Variants in CCM2 observed in about 807,000 individuals in gnomAD.
The protein encoded by CCM2 is cerebral cavernous malformations 2 protein.
Under a neutral mutation model 44.9 loss-of-function variants are expected in CCM2, and 25 were observed. The ratio of observed to expected loss-of-function variants is 0.56; its 90% CI spans 0.41 to 0.78. The LOEUF (loss-of-function observed/expected upper bound fraction) is 0.78. Ranked by LOEUF, CCM2 falls within the 30% of genes least tolerant of loss-of-function variation. The pLI, the probability that CCM2 is intolerant of heterozygous loss-of-function variation, is 0.00. For missense variants in CCM2, 481 were observed against 580.6 expected (o/e 0.83, Z 1.76); for synonymous variants, 219 against 241.1 (o/e 0.91, Z 0.85).
At chr7:45,007,371 C>T (rs7787383) in intron 1 of CCM2, among the ~76,000 whole-genome samples, 72,599 of 151,980 alleles carry the variant, frequency 0.48, 18,652 homozygotes, top group East Asian at 0.7. Flanking sequence ...GCGCGCTTCG[C>T]ACTCCTTGGC....
chr7:45,072,867 TCCC>T, intron 7 of CCM2, 84 bp downstream of exon 7: 1 of 1,141,540 alleles, frequency 8.8e-7, no homozygotes. Context: ...GCCAGTCAGC[TCCC>T]CCATCTCAGC....
Position 45,067,142 on chromosome 7 carries a change from C to T in CCM2, c.473-1301C>T, listed in dbSNP as rs548481934. ...ATCTTGATCTCCTGACCTTGTGATC[C>T]GCCACCTTGGCCTCCCAAAGTGCTG... is the stretch of plus-strand genomic sequence containing the variant. On this transcript the variant is annotated intron_variant, in intron 4 of 9. Transcript: ENST00000258781. 5.3e-5 allele frequency among the ~76,000 whole-genome samples: 8 copies of T among 151,610 alleles called. No individual in the cohort carries two copies. In the East Asian group the frequency reaches 1.2e-3, roughly 22 times the overall value.
intron 4 of CCM2, among the ~76,000 whole-genome samples, chr7:45,066,649 G>C (rs13236993): frequency 0.033 from 5,020 of 152,310 alleles, 124 homozygotes; most frequent in South Asian, 0.14. Context: ...TGTGGCAGGA[G>C]CTGCTTGGAG....
chr7:45,001,277 T>C (rs1795615024), intron 1 of CCM2, among the ~76,000 whole-genome samples: 1 of 152,134 alleles, frequency 6.6e-6, no homozygotes, highest in Non-Finnish European at 1.5e-5. Flanking sequence ...CTTCAGGGAG[T>C]CCTGTGGTGC....
intron 1 of CCM2, among the ~76,000 whole-genome samples, chr7:45,026,786 A>G (rs1324722921): frequency 2.6e-5 from 4 of 151,990 alleles, no homozygotes. Flanking sequence ...TACTTTCAGT[A>G]GAGACGGGGT....
chr7:45,002,777 C>A (rs1437425643), intron 1 of CCM2, among the ~76,000 whole-genome samples: 3 of 152,124 alleles, frequency 2.0e-5, no homozygotes, highest in Non-Finnish European at 4.4e-5. Flanking sequence ...TTGAGCCCCT[C>A]TTGTGTCCCA....
At chr7:45,073,872 A>G (rs1799212121) in intron 8 of CCM2, 3 of 541,598 alleles carry the variant, frequency 5.5e-6, no homozygotes, top group South Asian at 4.4e-5. Flanking sequence ...ATGGCCAGAC[A>G]TTTTTATCCT....
intron 1 of CCM2, among the ~76,000 whole-genome samples, chr7:45,034,657 T>C (rs1797130845): frequency 6.6e-6 from 1 of 150,802 alleles, no homozygotes; most frequent in South Asian, 2.1e-4. Context: ...TAGCTGGGAT[T>C]ACAGGCGCCC....
At chr7:45,029,514 A>G (rs1796859355) in intron 1 of CCM2, 1 of 152,212 alleles carries the variant, frequency 6.6e-6, no homozygotes, top group African/African-American at 2.4e-5. Context: ...TAGAAGGTAT[A>G]GCCATACTAT....
chr7:45,027,051 C>A (rs938907186), intron 1 of CCM2: 1 of 155,964 alleles, frequency 6.4e-6, no homozygotes, highest in Non-Finnish European at 1.4e-5. Flanking sequence ...GCCAGAGGCA[C>A]GCTGTTTAAT....
intron 2 of CCM2, among the ~76,000 whole-genome samples, chr7:45,042,988 C>G (rs1414409272): frequency 9.1e-6 from 1 of 109,960 alleles, no homozygotes; most frequent in Admixed American, 1.0e-4. Context: ...TTTTTTTTTC[C>G]TTGAGATAGG....
intron 6 of CCM2, chr7:45,071,232 G>A (rs2128751244): frequency 6.5e-6 from 1 of 152,672 alleles, no homozygotes; most frequent in East Asian, 1.9e-4. Context: ...TAAACATTCA[G>A]TTTTAGTGCG....
intron 1 of CCM2, among the ~76,000 whole-genome samples, chr7:45,036,559 G>A (rs1276804242): frequency 1.3e-5 from 2 of 152,164 alleles, no homozygotes; most frequent in African/African-American, 4.8e-5. Flanking sequence ...GCCTCATTAG[G>A]GAGGCAGCTG....
chr7:45,015,568 T>C (rs990814543), intron 1 of CCM2, among the ~76,000 whole-genome samples: 5 of 152,358 alleles, frequency 3.3e-5, no homozygotes, highest in East Asian at 1.9e-4. Flanking sequence ...AACATGTTCC[T>C]GTGCCTTGCT....
At chr7:45,055,261 T>A (rs1440778268) in intron 2 of CCM2, among the ~76,000 whole-genome samples, 1 of 152,270 alleles carries the variant, frequency 6.6e-6, no homozygotes, top group East Asian at 1.9e-4. Flanking sequence ...TGACCCCATC[T>A]TAGTCAGTAT....
At chr7:45,072,883 A>C (rs543823421) in intron 7 of CCM2, 100 bp downstream of exon 7, 9 of 998,024 alleles carry the variant, frequency 9.0e-6, no homozygotes, top group Non-Finnish European at 1.4e-5. Flanking sequence ...ATCTCAGCTC[A>C]CCCTCGCTAA....
intron 1 of CCM2, 96 bp downstream of exon 1, chr7:45,000,459 G>GA (rs995806720): frequency 1.6e-5 from 5 of 316,358 alleles, no homozygotes; most frequent in East Asian, 4.9e-5. Flanking sequence ...GGGCCCGGGG[G>GA]GGGGGGCAGT....
chr7:45,049,692 C>G (rs181919928), intron 2 of CCM2, among the ~76,000 whole-genome samples: 53 of 152,234 alleles, frequency 3.5e-4, no homozygotes, highest in African/African-American at 1.2e-3. Flanking sequence ...GTTTCTAGAT[C>G]TAAGGCTAGG....
At chr7:45,050,907 G>C (rs7800695) in intron 2 of CCM2, among the ~76,000 whole-genome samples, 6 of 152,138 alleles carry the variant, frequency 3.9e-5, no homozygotes, top group African/African-American at 7.2e-5. Context: ...AAGAGTGAAG[G>C]GGGTAGGGTA....
Sources: allele counts gnomAD v4.1 joint callset (sites outside exome capture counted in the v4.1 genomes callset), GRCh38; gene constraint gnomAD v4.1.1; transcripts MANE v1.5; gene names NCBI Gene and HGNC (gene_info 2026-07-23, HGNC 2026-07-21).